Variants in MSTN observed in about 807,000 individuals in gnomAD.
MSTN encodes the protein growth/differentiation factor 8.
MSTN carries 12 observed loss-of-function variants against 32.3 expected under a neutral mutation model. The observed-to-expected ratio is 0.37, with a 90% CI of 0.24 to 0.60. The LOEUF is 0.60. Among genes scored for constraint, MSTN ranks in the 20% least tolerant of loss-of-function variants. MSTN has a pLI of 0.67. For synonymous variants in MSTN, 168 were observed against 155.1 expected, an observed-to-expected ratio of 1.08 and a Z score of -0.62; for missense variants, 403 against 450.3, an observed-to-expected ratio of 0.89 and a Z score of 0.95.
Position 190,062,211 on chromosome 2 carries a change from T to C in MSTN, c.373+13A>G. 6.2e-7 allele frequency: 1 copy of C among 1,612,398 alleles called. No homozygotes were observed. Among genetic ancestry groups the C allele is most frequent in the Non-Finnish European group, 8.5e-7 (1 of 1,178,756 alleles). On this transcript the variant is annotated intron_variant, in intron 1 of 2. Transcript: ENST00000260950. ...CAGCAGAACTGTTGATATACACTAA[T>C]AGGACTACTTACACTCTGTAGGCAT...
chr2:190,062,136 T>A (rs200029294), intron 1 of MSTN, 88 bp downstream of exon 1: 1 of 1,428,208 alleles, frequency 7.0e-7, no homozygotes, highest in Non-Finnish European at 9.7e-7. Context: ...ACAGCTTGTT[T>A]AAAAGAGCCT....
intron 2 of MSTN, 141 bp downstream of exon 2, chr2:190,059,921 G>T: frequency 1.4e-6 from 1 of 733,554 alleles, no homozygotes; most frequent in Non-Finnish European, 2.2e-6. Context: ...ACTTTTATTG[G>T]GTACAGGGCT....
chr2:190,057,888 C>T (rs1299791161), intron 2 of MSTN, among the ~76,000 whole-genome samples: 1 of 151,776 alleles, frequency 6.6e-6, no homozygotes, highest in African/African-American at 2.4e-5. Context: ...TTTATTTTTC[C>T]AAGTTTGAGT....
chr2:190,059,942 TA>T, intron 2 of MSTN, 119 bp downstream of exon 2: 1 of 1,021,108 alleles, frequency 9.8e-7, no homozygotes, highest in Non-Finnish European at 1.5e-6. Flanking sequence ...ACCGTTGGGG[TA>T]AGATACCTTT....
Position 190,062,582 on chromosome 2 carries a change from T to C in MSTN, c.15A>G (p.Gln5=), listed in dbSNP as rs779141554. The C allele has an allele frequency of 4.3e-6, 7 of 1,611,672 alleles. No individual in the cohort carries two copies. Among genetic ancestry groups the C allele is most frequent in the Admixed American group, 1.7e-5 (1 of 59,702 alleles). Residue 5 remains glutamine (Q), a synonymous_variant, in exon 1 of 3, where the codon CAA becomes CAG. Coordinates refer to ENST00000260950, the MANE Select transcript of MSTN (RefSeq NM_005259.3). MQKL[Q]LCVYIYLFML... ...TAAACAGGTAAATATAAACACAGAG[T>C]TGCAGTTTTTGCATGATTTTAAAAT... is the stretch of plus-strand genomic sequence containing the variant.
In MSTN at chr2:190,057,499, T is replaced by A; in HGVS notation, c.887A>T (p.Asp296Val). 6.2e-7 allele frequency: 1 copy of A among 1,613,480 alleles called. No individual in the cohort carries two copies. The highest frequency in any genetic ancestry group is 8.5e-7 in the Non-Finnish European group (1 of 1,179,568). ...LTVDFEAFGWDWIIAPKRYKA... is the reference protein window; with the variant it reads ...LTVDFEAFGWVWIIAPKRYKA... ...ATATCTTTTAGGAGCGATAATCCAA[T>A]CCCATCCAAAAGCTTCAAAATCCAC... Residue 296 changes from aspartate to valine, a missense_variant, in exon 3 of 3, where the codon GAT becomes GTT. Transcript: ENST00000260950.
intron 2 of MSTN, among the ~76,000 whole-genome samples, chr2:190,059,488 C>T (rs1685533456): frequency 6.6e-6 from 1 of 151,860 alleles, no homozygotes; most frequent in Non-Finnish European, 1.5e-5. Context: ...TATATACACA[C>T]ATCAGTGCAT....
In MSTN at chr2:190,062,103, C is replaced by T. The variant is rs1685610760; in HGVS notation, c.373+121G>A. On this transcript the variant is annotated intron_variant, in intron 1 of 2. Transcript: ENST00000260950. ...AATCTTGAAAAAGAGAAACTCTTTTCCTTTCTACTTACATACAGGCCAACA... is the reference window on the plus strand; with the variant it reads ...AATCTTGAAAAAGAGAAACTCTTTTTCTTTCTACTTACATACAGGCCAACA... 4 of 1,010,050 alleles carry T rather than the reference C, an allele frequency of 4.0e-6. No homozygotes were observed. In the South Asian group the frequency reaches 4.8e-5, roughly 12 times the overall value. 62.6% of individuals were successfully genotyped at this position (1,010,050 alleles called of 1,614,324 possible). A position where few individuals can be genotyped will look rare whatever the true frequency, so the allele number is the denominator to read the frequency against.
Position 190,060,308 on chromosome 2 carries a change from T to G in MSTN, c.501A>C (p.Thr167=), listed in dbSNP as rs1312238112. 6.2e-7 allele frequency: 1 copy of G among 1,613,108 alleles called. No homozygotes were observed. The highest frequency in any genetic ancestry group is 1.1e-5 in the South Asian group (1 of 91,056). The change falls in exon 2 of 3, where the codon ACA becomes ACC. Residue 167 remains threonine, a synonymous_variant. Coordinates refer to ENST00000260950, the MANE Select transcript of MSTN (RefSeq NM_005259.3). ...WIYLRPVETP[T]TVFVQILRLI... ...GTCTCAGGATTTGCACAAACACTGT[T>G]GTAGGAGTCTCGACGGGTCTCAAAT...
intron 2 of MSTN, 51 bp downstream of exon 2, chr2:190,060,011 T>G: frequency 5.1e-6 from 8 of 1,564,818 alleles, no homozygotes; most frequent in Non-Finnish European, 7.0e-6. Flanking sequence ...TTGTTCATAT[T>G]ATGAATAAAA....
In MSTN at chr2:190,056,811, T is replaced by C. The variant is rs539605435; in HGVS notation, c.*447A>G. On this transcript the variant is annotated 3_prime_UTR_variant, in exon 3 of 3. Transcript: ENST00000260950. ...TTACCAAGTATACTACCATACAATA[T>C]AAATTCAAGTGTTTAAGGATGATTC... is the stretch of plus-strand genomic sequence containing the variant. The C allele has an allele frequency of 5.4e-6, 1 of 183,564 alleles. No homozygotes were observed. Among genetic ancestry groups the C allele is most frequent in the African/African-American group, 2.4e-5 (1 of 41,866 alleles). 11.4% of individuals were successfully genotyped at this position (183,564 alleles called of 1,614,324 possible).
At position 190,062,273 on chromosome 2, in the gene MSTN, A is replaced by G. The variant is rs893949185; in HGVS notation, c.324T>C (p.Asp108=). Residue 108 remains aspartate (D), a synonymous_variant, in exon 1 of 3, where the codon GAT becomes GAC. Coordinates refer to ENST00000260950, the MANE Select transcript of MSTN (RefSeq NM_005259.3). ...TTTCCGTTGTAGCGTGATAATCGTC[A>G]TCTTCCAAAGAGCCATCGCTGCTGT... ...RDDSSDGSLE[D]DDYHATTETI... is the part of the protein sequence containing the mutation. 6.2e-7 allele frequency: 1 copy of G among 1,613,192 alleles called. No individual in the cohort carries two copies. Among genetic ancestry groups the G allele is most frequent in the East Asian group, 2.2e-5 (1 of 44,864 alleles).
intron 2 of MSTN, among the ~76,000 whole-genome samples, chr2:190,058,759 A>G (rs1407361876): frequency 6.6e-6 from 1 of 152,048 alleles, no homozygotes; most frequent in Non-Finnish European, 1.5e-5. Context: ...ACCAAATACC[A>G]TACGTTCTTA....
chr2:190,060,507 T>C, intron 1 of MSTN, 72 bp from the exon 2 acceptor site: 1 of 1,387,874 alleles, frequency 7.2e-7, no homozygotes, highest in South Asian at 1.3e-5. Flanking sequence ...TATTAATAGT[T>C]GAGCATTTTT....
At chr2:190,060,473 T>C (rs535148115) in intron 1 of MSTN, 38 bp from the exon 2 acceptor site, 3 of 1,585,532 alleles carry the variant, frequency 1.9e-6, no homozygotes, top group East Asian at 2.2e-5. Flanking sequence ...GCTGAAATTA[T>C]TTCCCATTAA....
Position 190,057,623 on chromosome 2 carries a change from C to G in MSTN, c.763G>C (p.Val255Leu). Residue 255 changes from valine (V) to leucine (L), a missense_variant, in exon 3 of 3, where the codon GTC becomes CTC. Coordinates refer to ENST00000260950, the MANE Select transcript of MSTN (RefSeq NM_005259.3). ...CTTTTTGGTGTGTCTGTTACCTTGA[C>G]CTCTAAAAACGGATTCTGTTTGAAA... Reference protein sequence around the residue: ...GEDGLNPFLEVKVTDTPKRSR... With the variant: ...GEDGLNPFLELKVTDTPKRSR... 1 of 1,613,170 alleles carries G rather than the reference C, an allele frequency of 6.2e-7. No individual in the cohort carries two copies. Among genetic ancestry groups the G allele is most frequent in the Non-Finnish European group, 8.5e-7 (1 of 1,179,376 alleles).
intron 2 of MSTN, among the ~76,000 whole-genome samples, 177 bp from the exon 3 acceptor site, chr2:190,057,815 T>C (rs1440099987): frequency 6.6e-6 from 1 of 152,086 alleles, no homozygotes; most frequent in Non-Finnish European, 1.5e-5. Flanking sequence ...TTTCCCCTTA[T>C]GTCTCAAAAG....
In MSTN at chr2:190,057,173, C is replaced by T; in HGVS notation, c.*85G>A. Reference sequence around the variant, plus strand: ...CTGTAGCATACTCTAGGCCTATAGCCTGTGGTACTTAATTTCACAGCTTCA... The same window carrying T: ...CTGTAGCATACTCTAGGCCTATAGCTTGTGGTACTTAATTTCACAGCTTCA... On this transcript the variant is annotated 3_prime_UTR_variant, in exon 3 of 3. Coordinates refer to ENST00000260950, the MANE Select transcript of MSTN (RefSeq NM_005259.3). The T allele has an allele frequency of 6.8e-7, 1 of 1,464,532 alleles. No individual in the cohort carries two copies. The highest frequency in any genetic ancestry group is 9.5e-7 in the Non-Finnish European group (1 of 1,050,726). 90.7% of individuals were successfully genotyped at this position (1,464,532 alleles called of 1,614,324 possible).
intron 1 of MSTN, among the ~76,000 whole-genome samples, chr2:190,061,581 A>G (rs192915720): frequency 2.2e-4 from 34 of 152,138 alleles, no homozygotes; most frequent in African/African-American, 5.8e-4. Context: ...TAAAATGTTT[A>G]TTTCTTAGGC....
Sources: allele counts gnomAD v4.1 joint callset (sites outside exome capture counted in the v4.1 genomes callset), GRCh38; gene constraint gnomAD v4.1.1; transcripts MANE v1.5; gene names NCBI Gene and HGNC (gene_info 2026-07-23, HGNC 2026-07-21).